CCNH: variants seen among roughly 807,000 people sequenced by gnomAD.
The protein encoded by CCNH is cyclin H.
Under a neutral mutation model 41.9 loss-of-function variants are expected in CCNH, and 31 were observed. That is an observed-to-expected ratio of 0.74 (90% CI 0.56 to 1.00). CCNH has a LOEUF of 1.00. Among genes scored for constraint, CCNH ranks in the 50% least tolerant of loss-of-function variants. The pLI, the probability that CCNH is intolerant of heterozygous loss-of-function variation, is 0.00. For synonymous variants in CCNH, 138 were observed against 136.1 expected (o/e 1.01, Z -0.10); for missense variants, 362 against 388.4 (o/e 0.93, Z 0.57).
chr5:87,401,586 A>G (rs573709049), intron 6 of CCNH, 116 bp downstream of exon 6: 21 of 681,022 alleles, frequency 3.1e-5, no homozygotes, highest in South Asian at 2.5e-4. Context: ...CAGTAATTCA[A>G]TGAAAAGAAA....
chr5:87,412,760 G>A lies in CCNH; in HGVS notation c.35C>T (p.Thr12Ile). The change falls in exon 1 of 9, where the codon ACC (threonine) becomes ATC (isoleucine). Residue 12 changes from threonine (T) to isoleucine (I), a missense_variant. Thr to Ile is a moderately conservative substitution (Grantham distance 89). Transcript: ENST00000256897. ...TGCCAGCTGCTCCTCGCTGGAGAAG[G>A]TCCAGTGCCGCTTCTGACTACTGTT... Reference protein sequence around the residue: ...YHNSSQKRHWTFSSEEQLARL... With the variant: ...YHNSSQKRHWIFSSEEQLARL... The A allele has an allele frequency of 6.2e-7, 1 of 1,614,206 alleles. No homozygotes were observed. Among genetic ancestry groups the A allele is most frequent in the East Asian group, 2.2e-5 (1 of 44,884 alleles).
At chr5:87,346,634 G>A (rs1318137677) in intron 9 of CCNH, 3 of 1,344,446 alleles carry the variant, frequency 2.2e-6, no homozygotes, top group Non-Finnish European at 3.2e-6. Flanking sequence ...ACAGCAAAAA[G>A]GACTTTATTT....
At chr5:87,370,278 C>T (rs1296716612) in intron 9 of CCNH, among the ~76,000 whole-genome samples, 1 of 152,138 alleles carries the variant, frequency 6.6e-6, no homozygotes, top group Non-Finnish European at 1.5e-5. Context: ...ACTGGTTGAA[C>T]TCCATGTCTG....
intron 9 of CCNH, among the ~76,000 whole-genome samples, chr5:87,358,133 G>A (rs1175057028): frequency 6.6e-6 from 1 of 152,098 alleles, no homozygotes; most frequent in African/African-American, 2.4e-5. Context: ...GTGACCCTGT[G>A]TACCCACACT....
intron 9 of CCNH, chr5:87,332,365 T>G: frequency 1.2e-6 from 1 of 807,448 alleles, no homozygotes; most frequent in Non-Finnish European, 1.9e-6. Context: ...ATGAAGATAC[T>G]AATAAGTGGT....
chr5:87,355,267 G>A (rs1240206930), intron 9 of CCNH, among the ~76,000 whole-genome samples: 2 of 152,116 alleles, frequency 1.3e-5, no homozygotes, highest in Non-Finnish European at 2.9e-5. Context: ...AAGCTTCAAA[G>A]GTCAGGCTGA....
chr5:87,345,747 C>T (rs982695285), intron 9 of CCNH, among the ~76,000 whole-genome samples: 1 of 152,094 alleles, frequency 6.6e-6, no homozygotes, highest in Admixed American at 6.6e-5. Context: ...TCACACTGGA[C>T]TTTTGAGCAC....
rs115835873 is a variant in CCNH, at chr5:87,383,015, C to T, written c.*90+9755G>A. On this transcript the variant is annotated intron_variant and NMD_transcript_variant, in intron 9 of 9. Coordinates refer to the CCNH transcript ENST00000645953. ...CCTGAGGCAAGAGAATTGTTTGATC[C>T]CAGGGGTTCAAGGTTGCAGTGAGCT... is the stretch of plus-strand genomic sequence containing the variant. 7.6e-3 allele frequency among the ~76,000 whole-genome samples: 1,160 copies of T among 152,122 alleles called. 17 individuals are homozygous for T. Among genetic ancestry groups the T allele is most frequent in the African/African-American group, 0.027 (1,139 of 41,510 alleles).
chr5:87,346,754 G>A (rs753997135), intron 9 of CCNH: 3 of 1,463,186 alleles, frequency 2.1e-6, no homozygotes, highest in Non-Finnish European at 2.9e-6. Context: ...CTTTTCTAAT[G>A]TCTATTTAAA....
At chr5:87,403,833 T>C (rs1284647286) in intron 5 of CCNH, among the ~76,000 whole-genome samples, 1 of 152,156 alleles carries the variant, frequency 6.6e-6, no homozygotes, top group Non-Finnish European at 1.5e-5. Flanking sequence ...ACATCTTAAC[T>C]CCATATACAT....
chr5:87,392,929 G>T (rs768813474), downstream of CCNH: 1 of 152,268 alleles, frequency 6.6e-6, no homozygotes, highest in African/African-American at 2.4e-5. Context: ...GAGACAAATT[G>T]TGAACATCTT....
intron 9 of CCNH, among the ~76,000 whole-genome samples, chr5:87,340,809 A>G (rs891468687): frequency 2.0e-5 from 3 of 152,156 alleles, no homozygotes; most frequent in Non-Finnish European, 4.4e-5. Context: ...TACAAGCTAC[A>G]GTGGTGGGAG....
At chr5:87,374,768 A>G, downstream of CCNH, 2 of 1,586,356 alleles carry the variant, frequency 1.3e-6, no homozygotes, top group Admixed American at 1.7e-5. Flanking sequence ...TTTATTTGAT[A>G]CTAGAACTAA....
At chr5:87,369,716 T>G (rs1281267799) in intron 9 of CCNH, 1 of 800,628 alleles carries the variant, frequency 1.2e-6, no homozygotes, top group East Asian at 2.7e-5. Flanking sequence ...AATTATAATT[T>G]TATGTTAATT....
chr5:87,342,653 A>G (rs916381614), intron 9 of CCNH, among the ~76,000 whole-genome samples: 12 of 152,216 alleles, frequency 7.9e-5, no homozygotes, highest in African/African-American at 2.7e-4. Flanking sequence ...TACGTGTGGT[A>G]ATAAATGGCA....
intron 9 of CCNH, among the ~76,000 whole-genome samples, chr5:87,364,132 C>T (rs1760326487): frequency 6.6e-6 from 1 of 152,022 alleles, no homozygotes. Context: ...GATGTACTTA[C>T]CATTTTTATT....
chr5:87,351,917 T>A (rs1161812633), intron 9 of CCNH, among the ~76,000 whole-genome samples: 1 of 151,816 alleles, frequency 6.6e-6, no homozygotes, highest in African/African-American at 2.4e-5. Context: ...TATTTTACAG[T>A]TACTGAGCCC....
intron 4 of CCNH, among the ~76,000 whole-genome samples, chr5:87,406,754 G>A (rs938062854): frequency 2.6e-5 from 4 of 151,956 alleles, no homozygotes; most frequent in African/African-American, 7.3e-5. Flanking sequence ...ACCTTCATAC[G>A]AGTGAAGCCC....
At chr5:87,335,929 A>G (rs1757944256) in intron 9 of CCNH, among the ~76,000 whole-genome samples, 1 of 152,248 alleles carries the variant, frequency 6.6e-6, no homozygotes, top group African/African-American at 2.4e-5. Context: ...ATTCCATATT[A>G]CAACTAACCT....
Sources: allele counts gnomAD v4.1 joint callset (sites outside exome capture counted in the v4.1 genomes callset), GRCh38; gene constraint gnomAD v4.1.1; transcripts MANE v1.5; gene names NCBI Gene and HGNC (gene_info 2026-07-23, HGNC 2026-07-21).